Variants in TIMP3 observed in about 807,000 individuals in gnomAD.
TIMP3 encodes the protein metalloproteinase inhibitor 3.
A neutral mutation model predicts 30.0 loss-of-function variants in TIMP3; 11 were observed. The ratio of observed to expected loss-of-function variants is 0.37; its 90% CI spans 0.23 to 0.61. TIMP3 has a LOEUF of 0.61. Among genes scored for constraint, TIMP3 ranks in the 20% least tolerant of loss-of-function variants. The probability of loss-of-function intolerance (pLI) is 0.70; values close to 1 mark genes in which losing one functional copy is unlikely to be tolerated. For synonymous variants in TIMP3, 112 were observed against 111.3 expected (o/e 1.01, Z -0.04); for missense variants, 181 against 276.8 (o/e 0.65, Z 2.45).
chr22:32,808,279 A>G (rs2046819380), intron 1 of TIMP3, among the ~76,000 whole-genome samples: 1 of 152,188 alleles, frequency 6.6e-6, no homozygotes, highest in Non-Finnish European at 1.5e-5. Flanking sequence ...TTTCTGACTC[A>G]AAGCTGTCCG....
chr22:32,846,158 T>A (rs1387164268), intron 1 of TIMP3, among the ~76,000 whole-genome samples: 2 of 152,242 alleles, frequency 1.3e-5, no homozygotes, highest in African/African-American at 4.8e-5. Flanking sequence ...GAACCATGAC[T>A]GTGATCTTGT....
At chr22:32,820,032 G>A (rs1001637914) in intron 1 of TIMP3, among the ~76,000 whole-genome samples, 3 of 152,058 alleles carry the variant, frequency 2.0e-5, no homozygotes, top group South Asian at 2.1e-4. Context: ...GGATTTTTTG[G>A]TGTGGGGGGT....
intron 2 of TIMP3, among the ~76,000 whole-genome samples, chr22:32,855,939 T>C (rs1011823325): frequency 6.6e-6 from 1 of 152,242 alleles, no homozygotes; most frequent in Admixed American, 6.5e-5. Flanking sequence ...ACTTTGTAGA[T>C]ACATTTATGT....
intron 1 of TIMP3, among the ~76,000 whole-genome samples, chr22:32,846,304 C>T (rs927022266): frequency 6.6e-6 from 1 of 152,228 alleles, no homozygotes; most frequent in African/African-American, 2.4e-5. Context: ...TGCTTCTCCA[C>T]CTCTCCCTGA....
At chr22:32,827,650 C>T (rs1417579717) in intron 1 of TIMP3, among the ~76,000 whole-genome samples, 1 of 152,190 alleles carries the variant, frequency 6.6e-6, no homozygotes, top group African/African-American at 2.4e-5. Flanking sequence ...AGACAGTGAA[C>T]TTTAAAAAAT....
chr22:32,817,322 G>T (rs564601308), intron 1 of TIMP3, among the ~76,000 whole-genome samples: 3 of 152,190 alleles, frequency 2.0e-5, no homozygotes, highest in Non-Finnish European at 4.4e-5. Context: ...CTGCTGCATG[G>T]TGACCTGTTT....
intron 1 of TIMP3, among the ~76,000 whole-genome samples, chr22:32,812,872 G>A (rs1473050754): frequency 6.6e-6 from 1 of 152,214 alleles, no homozygotes; most frequent in Non-Finnish European, 1.5e-5. Context: ...TCCTGAGGAA[G>A]TTTGGAAGGT....
intron 1 of TIMP3, among the ~76,000 whole-genome samples, chr22:32,818,167 C>A (rs1265539405): frequency 6.6e-6 from 1 of 152,166 alleles, no homozygotes; most frequent in Non-Finnish European, 1.5e-5. Context: ...AATGGCACTG[C>A]CAGTTCAGTG....
chr22:32,802,468 C>T (rs1359414541), intron 1 of TIMP3, among the ~76,000 whole-genome samples: 3 of 150,632 alleles, frequency 2.0e-5, no homozygotes. Context: ...AAAGGGTTCC[C>T]AAAACTTGGA....
chr22:32,834,736 AC>A (rs1257074334), intron 1 of TIMP3, among the ~76,000 whole-genome samples: 1 of 152,064 alleles, frequency 6.6e-6, no homozygotes, highest in Non-Finnish European at 1.5e-5. Context: ...GGAGAGGTGC[AC>A]TCCGGGTGGC....
At chr22:32,835,114 G>A (rs554095624) in intron 1 of TIMP3, among the ~76,000 whole-genome samples, 11 of 152,206 alleles carry the variant, frequency 7.2e-5, no homozygotes, top group Non-Finnish European at 1.3e-4. Context: ...GTCAGTTCAT[G>A]CAGCGGAATT....
chr22:32,828,716 T>G (rs1239945419), intron 1 of TIMP3, among the ~76,000 whole-genome samples: 1 of 152,218 alleles, frequency 6.6e-6, no homozygotes, highest in Non-Finnish European at 1.5e-5. Context: ...ACCTACCCAC[T>G]ATAGACTTCT....
intron 1 of TIMP3, among the ~76,000 whole-genome samples, chr22:32,833,424 TTA>T (rs2047636526): frequency 6.6e-6 from 1 of 152,090 alleles, no homozygotes; most frequent in Non-Finnish European, 1.5e-5. Flanking sequence ...GAGAATTTTT[TTA>T]TAGTCAAAAA....
At chr22:32,854,773 C>A (rs1457171567) in intron 2 of TIMP3, among the ~76,000 whole-genome samples, 1 of 152,184 alleles carries the variant, frequency 6.6e-6, no homozygotes. Context: ...GGCTGCGTTA[C>A]CGTGCTCAGT....
chr22:32,814,139 TGTGA>T (rs1173499539), intron 1 of TIMP3, among the ~76,000 whole-genome samples: 5 of 90,516 alleles, frequency 5.5e-5, no homozygotes, highest in African/African-American at 8.8e-5. Flanking sequence ...TGTGTGTGTG[TGTGA>T]GAGAGAGAGA....
chr22:32,844,302 C>CG (rs1569270010), intron 1 of TIMP3, among the ~76,000 whole-genome samples: 1 of 152,168 alleles, frequency 6.6e-6, no homozygotes, highest in African/African-American at 2.4e-5. Flanking sequence ...TTTCTGGAGA[C>CG]ACACCAGTAA....
At chr22:32,854,859 A>G (rs1161950318) in intron 2 of TIMP3, among the ~76,000 whole-genome samples, 1 of 152,140 alleles carries the variant, frequency 6.6e-6, no homozygotes, top group African/African-American at 2.4e-5. Context: ...TGCTTTTAAC[A>G]AGGCAGGGGC....
At chr22:32,803,693 T>A (rs1008187797) in intron 1 of TIMP3, among the ~76,000 whole-genome samples, 1 of 152,112 alleles carries the variant, frequency 6.6e-6, no homozygotes, top group Non-Finnish European at 1.5e-5. Context: ...ACCTGATTAG[T>A]GTGGGGAGTT....
chr22:32,850,669 G>A (rs570060476), intron 2 of TIMP3, among the ~76,000 whole-genome samples: 2 of 152,258 alleles, frequency 1.3e-5, no homozygotes, highest in South Asian at 4.1e-4. Context: ...GTGTGCTGAG[G>A]TCCACAGGAA....
Sources: allele counts gnomAD v4.1 joint callset (sites outside exome capture counted in the v4.1 genomes callset), GRCh38; gene constraint gnomAD v4.1.1; transcripts MANE v1.5; gene names NCBI Gene and HGNC (gene_info 2026-07-23, HGNC 2026-07-21).